PARD3B: variants seen among roughly 807,000 people sequenced by gnomAD.
The protein encoded by PARD3B is par-3 family cell polarity regulator beta, also known as partitioning defective 3 homolog B.
In PARD3B, 103 loss-of-function variants were observed where a neutral mutation model predicts 130.2. The ratio of observed to expected loss-of-function variants is 0.79; its 90% CI spans 0.67 to 0.93. The LOEUF is 0.93. Ranked by LOEUF, PARD3B falls within the 40% of genes least tolerant of loss-of-function variation. The pLI is 0.00. For synonymous variants in PARD3B, 583 were observed against 553.2 expected, an observed-to-expected ratio of 1.05 and a Z score of -0.76; for missense variants, 1,609 against 1,499.2, an observed-to-expected ratio of 1.07 and a Z score of -1.21.
chr2:205,449,813 G>A (rs2106191166), intron 20 of PARD3B, among the ~76,000 whole-genome samples: 1 of 152,240 alleles, frequency 6.6e-6, no homozygotes, highest in Non-Finnish European at 1.5e-5. Context: ...TGTTCCAGAG[G>A]TCACACAAAG....
intron 2 of PARD3B, among the ~76,000 whole-genome samples, chr2:204,883,404 ATT>A: frequency 8.0e-6 from 1 of 124,584 alleles, no homozygotes; most frequent in Non-Finnish European, 1.6e-5. Flanking sequence ...GTATATATAT[ATT>A]ATATATATAT....
intron 10 of PARD3B, among the ~76,000 whole-genome samples, chr2:205,133,842 C>T (rs2032237482): frequency 6.6e-6 from 1 of 152,198 alleles, no homozygotes; most frequent in Non-Finnish European, 1.5e-5. Context: ...AATTTCCACA[C>T]TCAATTTGAT....
At chr2:204,903,482 T>G (rs2125710020) in intron 2 of PARD3B, among the ~76,000 whole-genome samples, 1 of 152,326 alleles carries the variant, frequency 6.6e-6, no homozygotes, top group South Asian at 2.1e-4. Flanking sequence ...GTGCTAAAAC[T>G]TATCCATCTC....
intron 18 of PARD3B, among the ~76,000 whole-genome samples, chr2:205,380,950 T>TAAAGAATGTATATAATATATAAAG (rs529607774): frequency 2.4e-5 from 2 of 81,854 alleles, no homozygotes; most frequent in Non-Finnish European, 4.1e-5. Context: ...ATATAATATA[T>TAAAGAATGTATATAATATATAAAG]AATGTATATA....
At chr2:204,850,052 C>G (rs1559196898) in intron 2 of PARD3B, among the ~76,000 whole-genome samples, 1 of 152,146 alleles carries the variant, frequency 6.6e-6, no homozygotes, top group Non-Finnish European at 1.5e-5. Context: ...TCTTTTGGAG[C>G]TGGCACATGT....
At chr2:204,708,739 G>T (rs369081402) in intron 2 of PARD3B, among the ~76,000 whole-genome samples, 3 of 151,956 alleles carry the variant, frequency 2.0e-5, no homozygotes, top group African/African-American at 7.3e-5. Flanking sequence ...TATCCTCAAG[G>T]GCATAGTATG....
chr2:205,447,515 T>A (rs2047946797), intron 20 of PARD3B, among the ~76,000 whole-genome samples: 1 of 152,184 alleles, frequency 6.6e-6, no homozygotes, highest in African/African-American at 2.4e-5. Flanking sequence ...GTAGCTGGGA[T>A]TACCCATGTG....
rs191519526 is a variant in PARD3B, at chr2:204,815,856, G to C, written c.222+129574G>C. Among the ~76,000 whole-genome samples, 35 of 152,086 alleles carry C rather than the reference G, an allele frequency of 2.3e-4. No individual in the cohort carries two copies. The East Asian group carries it at 6.6e-3, about 29-fold the overall frequency. ...TGTTACTGATTTCTAATTTAATTCTGTTCTGGTCAGGGAACATGCTTGTGT... is the reference window on the plus strand; with the variant it reads ...TGTTACTGATTTCTAATTTAATTCTCTTCTGGTCAGGGAACATGCTTGTGT... On this transcript the variant is annotated intron_variant, in intron 2 of 22. Transcript: ENST00000406610.
chr2:204,896,611 G>A (rs2046650124), intron 2 of PARD3B, among the ~76,000 whole-genome samples: 2 of 152,118 alleles, frequency 1.3e-5, no homozygotes, highest in Admixed American at 6.5e-5. Flanking sequence ...CATTGTAAGA[G>A]CTTAATAAAT....
intron 3 of PARD3B, among the ~76,000 whole-genome samples, chr2:205,023,909 T>G (rs1696821275): frequency 6.6e-6 from 1 of 152,012 alleles, no homozygotes; most frequent in Non-Finnish European, 1.5e-5. Context: ...GGAGTGCAGA[T>G]TTTTGAAAGA....
intron 3 of PARD3B, among the ~76,000 whole-genome samples, chr2:204,998,358 A>ACATATATATATATATATATG: frequency 2.9e-5 from 2 of 69,832 alleles, no homozygotes; most frequent in East Asian, 3.0e-4. Context: ...ATATATATAT[A>ACATATATATATATATATATG]TGTGTGTGTG....
chr2:205,331,262 A>AT (rs2043114126), intron 18 of PARD3B, among the ~76,000 whole-genome samples: 5 of 74,518 alleles, frequency 6.7e-5, no homozygotes, highest in African/African-American at 2.6e-4. Flanking sequence ...ATGCACATAT[A>AT]TTCCACACAC....
At chr2:204,830,208 T>G (rs1387040360) in intron 2 of PARD3B, among the ~76,000 whole-genome samples, 1 of 152,054 alleles carries the variant, frequency 6.6e-6, no homozygotes, top group Non-Finnish European at 1.5e-5. Flanking sequence ...GTCTCAGTAG[T>G]TCTTTATAGC....
At chr2:205,152,654 T>C (rs189386992) in intron 10 of PARD3B, among the ~76,000 whole-genome samples, 1 of 152,256 alleles carries the variant, frequency 6.6e-6, no homozygotes, top group Non-Finnish European at 1.5e-5. Flanking sequence ...TAGCCATTCG[T>C]CTAATCTTTT....
intron 2 of PARD3B, among the ~76,000 whole-genome samples, chr2:204,791,971 G>A (rs1158368838): frequency 2.0e-5 from 3 of 152,140 alleles, no homozygotes; most frequent in South Asian, 4.1e-4. Context: ...ATAATCGTTG[G>A]TGGTACCTTA....
intron 2 of PARD3B, among the ~76,000 whole-genome samples, chr2:204,948,827 G>T (rs912223403): frequency 6.6e-6 from 1 of 152,184 alleles, no homozygotes; most frequent in Non-Finnish European, 1.5e-5. Context: ...GTTTGGGGAA[G>T]AAAACATGTT....
intron 3 of PARD3B, among the ~76,000 whole-genome samples, chr2:204,985,110 T>C (rs959641640): frequency 6.6e-6 from 1 of 152,084 alleles, no homozygotes; most frequent in Non-Finnish European, 1.5e-5. Context: ...TTAGTCTGTC[T>C]CTTTCTCTTC....
intron 13 of PARD3B, among the ~76,000 whole-genome samples, chr2:205,182,411 A>G (rs933989140): frequency 1.3e-5 from 2 of 152,174 alleles, no homozygotes; most frequent in African/African-American, 4.8e-5. Flanking sequence ...ACTGAAAAAC[A>G]CATAAACACA....
intron 3 of PARD3B, among the ~76,000 whole-genome samples, chr2:205,033,756 A>G (rs1208712236): frequency 6.6e-6 from 1 of 152,222 alleles, no homozygotes; most frequent in African/African-American, 2.4e-5. Context: ...CCCTTTAGCT[A>G]TTCCATGGGT....
Sources: allele counts gnomAD v4.1 joint callset (sites outside exome capture counted in the v4.1 genomes callset), GRCh38; gene constraint gnomAD v4.1.1; transcripts MANE v1.5; gene names NCBI Gene and HGNC (gene_info 2026-07-23, HGNC 2026-07-21).